GBP1: variants seen among roughly 807,000 people sequenced by gnomAD.
GBP1 encodes the protein guanylate-binding protein 1.
In GBP1, 64 loss-of-function variants were observed where a neutral mutation model predicts 69.5. The ratio of observed to expected loss-of-function variants is 0.92; its 90% confidence interval spans 0.75 to 1.13. GBP1 has a LOEUF of 1.13. Ranked by LOEUF, GBP1 falls within the 50% of genes most tolerant of loss-of-function variation. GBP1 has a pLI of 0.00. For synonymous variants in GBP1, 250 were observed against 261.2 expected, an observed-to-expected ratio of 0.96 and a Z score of 0.41; for missense variants, 630 against 704.1, an observed-to-expected ratio of 0.89 and a Z score of 1.19.
At chr1:89,059,640 T>C (rs1428339208) in intron 3 of GBP1, among the ~76,000 whole-genome samples, 1 of 151,882 alleles carries the variant, frequency 6.6e-6, no homozygotes, top group East Asian at 1.9e-4. Flanking sequence ...GACGAGTGTT[T>C]TTGGGTTACC....
At position 89,052,419 on chromosome 1, in the gene GBP1, C is replaced by T. The variant is rs1422653102; in HGVS notation, c.*936G>A. 1 of 152,166 alleles carries T rather than the reference C, an allele frequency of 6.6e-6. No individual in the cohort carries two copies. The highest frequency in any genetic ancestry group is 1.5e-5 in the Non-Finnish European group (1 of 68,026). The allele number at this position is 152,166 out of a possible 1,614,324, so 9.4% of individuals were successfully genotyped here. ...AAAGTCTACATATACTAGGTAAACA[C>T]AAGAGCATTATTAAATGAGTCAAAA... On this transcript the variant is annotated 3_prime_UTR_variant, in exon 11 of 11. Transcript: ENST00000370473.
intron 8 of GBP1, chr1:89,055,716 A>G: frequency 2.1e-6 from 1 of 468,508 alleles, no homozygotes; most frequent in South Asian, 2.3e-5. Flanking sequence ...TTGTTTAAGC[A>G]GCCATCATTG....
intron 2 of GBP1, among the ~76,000 whole-genome samples, 179 bp from the exon 3 acceptor site, chr1:89,060,503 A>C (rs1467265058): frequency 6.6e-6 from 1 of 152,254 alleles, no homozygotes; most frequent in African/African-American, 2.4e-5. Context: ...GGAAACATTC[A>C]GGAGGCTTTC....
chr1:89,062,918 G>T (rs1028588801), intron 2 of GBP1, 127 bp downstream of exon 2: 3 of 1,137,146 alleles, frequency 2.6e-6, no homozygotes, highest in East Asian at 5.0e-5. Context: ...TAAGGAGCCC[G>T]ACTGTGAATG....
chr1:89,055,004 C>T lies in GBP1; in HGVS notation c.1471+109G>A, dbSNP rs1680008721. The T allele has an allele frequency of 2.2e-6, 3 of 1,371,268 alleles. No homozygotes were observed. In the Middle Eastern group the frequency reaches 5.7e-4, roughly 263 times the overall value. The allele number at this position is 1,371,268 out of a possible 1,614,324, so 84.9% of individuals were successfully genotyped here. On this transcript the variant is annotated intron_variant, in intron 9 of 10. Coordinates refer to ENST00000370473, the MANE Select transcript of GBP1 (RefSeq NM_002053.3). Reference sequence around the variant, plus strand: ...TCAGAGATGACCTCGGCAAGTAAGACACACCTTTGTGGATCTTGCTCTAGT... The same window carrying T: ...TCAGAGATGACCTCGGCAAGTAAGATACACCTTTGTGGATCTTGCTCTAGT...
rs1337135794 is a variant in GBP1, at chr1:89,052,394, A to G, written c.*961T>C. ...TCCTAGGACTTTTCACACATAAGAC[A>G]AAGTCTACATATACTAGGTAAACAC... On this transcript the variant is annotated 3_prime_UTR_variant, in exon 11 of 11. Transcript: ENST00000370473. The G allele has an allele frequency of 2.0e-5, 3 of 152,238 alleles. No homozygotes were observed. Among genetic ancestry groups the G allele is most frequent in the African/African-American group, 2.4e-5 (1 of 41,472 alleles). 9.4% of individuals were successfully genotyped at this position (152,238 alleles called of 1,614,324 possible). A position where few individuals can be genotyped will look rare whatever the true frequency, so the allele number is the denominator to read the frequency against.
Position 89,052,438 on chromosome 1 carries a change from G to C in GBP1, c.*917C>G, listed in dbSNP as rs767913751. ...TAAACACAAGAGCATTATTAAATGAGTCAAAAATGTCAAAAAAAATCCCAT... is the reference window on the plus strand; with the variant it reads ...TAAACACAAGAGCATTATTAAATGACTCAAAAATGTCAAAAAAAATCCCAT... On this transcript the variant is annotated 3_prime_UTR_variant, in exon 11 of 11. Coordinates refer to ENST00000370473, the MANE Select transcript of GBP1 (RefSeq NM_002053.3). The C allele has an allele frequency of 1.7e-4, 26 of 152,028 alleles. No individual in the cohort carries two copies. The highest frequency in any genetic ancestry group is 3.1e-4 in the Non-Finnish European group (21 of 67,992). The allele number at this position is 152,028 out of a possible 1,614,324, so 9.4% of individuals were successfully genotyped here. A position where few individuals can be genotyped will look rare whatever the true frequency, so the allele number is the denominator to read the frequency against.
chr1:89,055,686 T>C, intron 8 of GBP1: 2 of 417,556 alleles, frequency 4.8e-6, no homozygotes, highest in South Asian at 4.6e-5. Context: ...GTTTGCAGCC[T>C]AAATCAATGA....
intron 1 of GBP1, among the ~76,000 whole-genome samples, chr1:89,064,295 G>A (rs888679967): frequency 2.0e-5 from 3 of 149,582 alleles, no homozygotes; most frequent in Non-Finnish European, 4.4e-5. Context: ...GACCAGAGGT[G>A]ATGAATGAGG....
At chr1:89,064,250 A>T (rs1186640418) in intron 1 of GBP1, among the ~76,000 whole-genome samples, 1,968 of 145,134 alleles carry the variant, frequency 0.014, 11 homozygotes, top group Middle Eastern at 0.025. Flanking sequence ...TGAGAGAGAG[A>T]GAGAGAGAGA....
chr1:89,063,330 T>G, intron 1 of GBP1, 77 bp from the exon 2 acceptor site: 3 of 1,376,166 alleles, frequency 2.2e-6, no homozygotes, highest in Non-Finnish European at 3.0e-6. Context: ...GATTCCCCAG[T>G]ATGGCCAAAA....
chr1:89,063,371 C>A, intron 1 of GBP1, 118 bp from the exon 2 acceptor site: 1 of 798,302 alleles, frequency 1.3e-6, no homozygotes. Context: ...AGAGATGAGG[C>A]AAAATCTGTA....
At position 89,057,080 on chromosome 1, in the gene GBP1, G is replaced by A. The variant is rs1185260444; in HGVS notation, c.929C>T (p.Pro310Leu). 2 of 1,614,236 alleles carry A rather than the reference G, an allele frequency of 1.2e-6. No homozygotes were observed. The highest frequency in any genetic ancestry group is 2.2e-5 in the East Asian group (1 of 44,882). ...GGCCAGGACTGCGTTCTCCATGCACGGCAGATCCCCACTGCTGATGGCATT... is the reference window on the plus strand; with the variant it reads ...GGCCAGGACTGCGTTCTCCATGCACAGCAGATCCCCACTGCTGATGGCATT... ...YVNAISSGDL[P>L]CMENAVLALA... Residue 310 changes from proline to leucine, a missense_variant, in exon 7 of 11, where the codon CCG (proline) becomes CTG (leucine). Around this residue, in one of 5 missense-constraint regions of GBP1, gnomAD observed 367 missense variants for 369.5 expected, o/e 0.99. Transcript: ENST00000370473.
chr1:89,062,404 G>C (rs1425327443), intron 2 of GBP1, among the ~76,000 whole-genome samples: 1 of 152,166 alleles, frequency 6.6e-6, no homozygotes. Flanking sequence ...AGTCATAAAA[G>C]GACAAATATT....
intron 10 of GBP1, among the ~76,000 whole-genome samples, chr1:89,054,420 A>C (rs1390291679): frequency 6.6e-6 from 1 of 152,232 alleles, no homozygotes; most frequent in Non-Finnish European, 1.5e-5. Flanking sequence ...TATTTTAATG[A>C]TGCCTAGCAG....
chr1:89,056,970 T>G lies in GBP1; in HGVS notation c.1039A>C (p.Thr347Pro). 1 of 1,614,226 alleles carries G rather than the reference T, an allele frequency of 6.2e-7. No individual in the cohort carries two copies. Among genetic ancestry groups the G allele is most frequent in the Non-Finnish European group, 8.5e-7 (1 of 1,180,030 alleles). The change falls in exon 7 of 11, where the codon ACA becomes CCA. Residue 347 changes from threonine (T) to proline (P), a missense_variant. By Grantham distance (38) the Thr-to-Pro change is conservative. Coordinates refer to ENST00000370473, the MANE Select transcript of GBP1 (RefSeq NM_002053.3). ...TCCAGCAGCTCCTGGAGGGTTTCTG[T>G]GGGCAGCTGCACCTTCTGGCCCATC... ...QQMGQKVQLPTETLQELLDLH... is the reference protein window; with the variant it reads ...QQMGQKVQLPPETLQELLDLH...
At chr1:89,059,789 A>G (rs1196421080) in intron 3 of GBP1, among the ~76,000 whole-genome samples, 3 of 152,092 alleles carry the variant, frequency 2.0e-5, no homozygotes, top group Admixed American at 6.5e-5. Context: ...GAATTCACAT[A>G]TAAGATTGGT....
chr1:89,053,706 A>G (rs537711353), intron 10 of GBP1, among the ~76,000 whole-genome samples: 1 of 152,344 alleles, frequency 6.6e-6, no homozygotes, highest in Non-Finnish European at 1.5e-5. Flanking sequence ...TGTATGAATC[A>G]TGGATTAGGA....
chr1:89,063,823 T>C (rs1362660102), intron 1 of GBP1, among the ~76,000 whole-genome samples: 1 of 152,182 alleles, frequency 6.6e-6, no homozygotes, highest in African/African-American at 2.4e-5. Context: ...TGTAACATAC[T>C]TTTGCAAATT....
Sources: allele counts gnomAD v4.1 joint callset (sites outside exome capture counted in the v4.1 genomes callset), GRCh38; gene constraint gnomAD v4.1.1; regional missense constraint gnomAD v4.1.1; transcripts MANE v1.5; gene names NCBI Gene and HGNC (gene_info 2026-07-23, HGNC 2026-07-21).